The following MAML3 variants were observed in gnomAD, a reference collection of about 807,000 sequenced individuals.
MAML3 encodes the protein mastermind-like protein 3.
MAML3 carries 27 observed loss-of-function variants against 101.9 expected under a neutral mutation model. The ratio of observed to expected loss-of-function variants is 0.27; its 90% CI spans 0.20 to 0.37. MAML3 has a LOEUF of 0.37. MAML3 is among the 10% of genes least tolerant of loss of function. The probability of loss-of-function intolerance (pLI) is 1.00; values close to 1 mark genes in which losing one functional copy is unlikely to be tolerated. For missense variants in MAML3, 1,316 were observed against 1,444.9 expected, an observed-to-expected ratio of 0.91 and a Z score of 1.45; for synonymous variants, 501 against 555.9, an observed-to-expected ratio of 0.90 and a Z score of 1.39.
intron 2 of MAML3, among the ~76,000 whole-genome samples, chr4:139,875,969 T>C (rs1402970140): frequency 1.3e-5 from 2 of 150,962 alleles, no homozygotes; most frequent in African/African-American, 4.9e-5. Flanking sequence ...GCCTATTACT[T>C]TTCTGATCAC....
At chr4:140,082,758 T>TA (rs397881450) in intron 1 of MAML3, among the ~76,000 whole-genome samples, 2 of 151,478 alleles carry the variant, frequency 1.3e-5, no homozygotes, top group Non-Finnish European at 2.9e-5. Context: ...TTTTTTTTTT[T>TA]AAATAAACTG....
intron 1 of MAML3, among the ~76,000 whole-genome samples, chr4:140,078,771 C>A (rs1337343093): frequency 1.3e-5 from 2 of 152,138 alleles, no homozygotes; most frequent in Admixed American, 1.3e-4. Flanking sequence ...AAAGGAACTT[C>A]TCCGTGCCGG....
intron 2 of MAML3, among the ~76,000 whole-genome samples, chr4:139,822,527 C>A (rs1013711410): frequency 2.0e-5 from 3 of 152,198 alleles, no homozygotes; most frequent in Non-Finnish European, 4.4e-5. Context: ...GACATACCAG[C>A]AGGGCTTTTA....
chr4:140,041,604 G>A (rs941527803), intron 1 of MAML3, among the ~76,000 whole-genome samples: 3 of 152,104 alleles, frequency 2.0e-5, no homozygotes, highest in Non-Finnish European at 2.9e-5. Flanking sequence ...CTGGGCAACC[G>A]AGTGAGACAC....
At chr4:139,847,174 AT>A (rs1731465673) in intron 2 of MAML3, among the ~76,000 whole-genome samples, 1 of 151,986 alleles carries the variant, frequency 6.6e-6, no homozygotes, top group South Asian at 2.1e-4. Flanking sequence ...TTCCTCCATT[AT>A]TCACATTGTG....
intron 2 of MAML3, among the ~76,000 whole-genome samples, chr4:139,853,936 C>T (rs2111158396): frequency 6.6e-6 from 1 of 152,178 alleles, no homozygotes; most frequent in Non-Finnish European, 1.5e-5. Flanking sequence ...ATTCTCTTGC[C>T]TCAGCCTCCT....
rs1553959322 is a variant in MAML3, at chr4:139,832,090, G to GC, written c.2079+57266dup. On this transcript the variant is annotated intron_variant, in intron 2 of 4. Coordinates refer to ENST00000509479, the MANE Select transcript of MAML3 (RefSeq NM_018717.5). ...TTACAGGCGTGAGCCATCATGCCCA[G>GC]CCCCTTTTTTTTTTTTTTTTTTTTT... 7.7e-5 allele frequency among the ~76,000 whole-genome samples: 7 copies of GC among 90,644 alleles called. No individual in the cohort carries two copies. In the East Asian group the frequency reaches 1.3e-3, roughly 16 times the overall value. The allele number at this position is 90,644 out of a possible 152,430, so 59.5% of individuals were successfully genotyped here. A position where few individuals can be genotyped will look rare whatever the true frequency, so the allele number is the denominator to read the frequency against.
chr4:139,776,176 T>A (rs959246279), intron 2 of MAML3, among the ~76,000 whole-genome samples: 1 of 152,266 alleles, frequency 6.6e-6, no homozygotes, highest in Non-Finnish European at 1.5e-5. Context: ...TTCTTTGATG[T>A]CAATTGCTGT....
intron 1 of MAML3, among the ~76,000 whole-genome samples, chr4:140,074,214 A>AG (rs1727724780): frequency 7.2e-6 from 1 of 138,952 alleles, no homozygotes; most frequent in Admixed American, 7.3e-5. Flanking sequence ...AGAAAGAAAG[A>AG]AAGAAAGAAA....
chr4:139,752,504 C>T (rs1439304642), intron 2 of MAML3, among the ~76,000 whole-genome samples: 1 of 152,138 alleles, frequency 6.6e-6, no homozygotes, highest in African/African-American at 2.4e-5. Context: ...CCACTCCCCA[C>T]CGTCTTCTTT....
intron 1 of MAML3, among the ~76,000 whole-genome samples, chr4:139,915,343 C>T (rs1356999509): frequency 3.3e-5 from 5 of 152,082 alleles, no homozygotes; most frequent in Admixed American, 3.3e-4. Flanking sequence ...AGTTAATTTC[C>T]TTCAGTTAAT....
intron 1 of MAML3, among the ~76,000 whole-genome samples, chr4:139,993,827 T>C (rs1034884536): frequency 6.6e-6 from 1 of 151,346 alleles, no homozygotes; most frequent in Admixed American, 6.6e-5. Context: ...AAACTCTGTC[T>C]CAAAAAAAAA....
At chr4:139,987,820 G>GACC (rs1734577476) in intron 1 of MAML3, among the ~76,000 whole-genome samples, 1 of 151,880 alleles carries the variant, frequency 6.6e-6, no homozygotes, top group African/African-American at 2.4e-5. Flanking sequence ...AGGAGTTCGA[G>GACC]ACCAGCCTAG....
chr4:140,024,733 G>A (rs1183053530), intron 1 of MAML3, among the ~76,000 whole-genome samples: 1 of 152,138 alleles, frequency 6.6e-6, no homozygotes, highest in Non-Finnish European at 1.5e-5. Context: ...CTAAAGAAAA[G>A]GGAGTATCTA....
chr4:139,777,413 T>G (rs1730113434), intron 2 of MAML3, among the ~76,000 whole-genome samples: 1 of 152,234 alleles, frequency 6.6e-6, no homozygotes, highest in Non-Finnish European at 1.5e-5. Flanking sequence ...TGATCAGTCT[T>G]CAGTCTCCAC....
intron 1 of MAML3, among the ~76,000 whole-genome samples, chr4:139,937,044 C>T (rs1418102852): frequency 6.6e-6 from 1 of 152,166 alleles, no homozygotes; most frequent in Non-Finnish European, 1.5e-5. Context: ...AAAACATCTG[C>T]TAATTTTTAC....
chr4:140,121,563 C>G (rs1181615714), intron 1 of MAML3, among the ~76,000 whole-genome samples: 1 of 152,186 alleles, frequency 6.6e-6, no homozygotes, highest in African/African-American at 2.4e-5. Flanking sequence ...ACTGATTTAG[C>G]CTACGCTGAT....
intron 1 of MAML3, among the ~76,000 whole-genome samples, chr4:140,031,854 C>T (rs1238325338): frequency 6.6e-6 from 1 of 152,142 alleles, no homozygotes; most frequent in Non-Finnish European, 1.5e-5. Context: ...AGAGTGATCT[C>T]TCTGTACTCT....
At chr4:140,020,721 A>G (rs1180282486) in intron 1 of MAML3, among the ~76,000 whole-genome samples, 1 of 152,168 alleles carries the variant, frequency 6.6e-6, no homozygotes, top group Admixed American at 6.6e-5. Context: ...GAGTCTTATT[A>G]AAACTCCTAC....
Sources: gnomAD v4.1 joint callset for allele counts (sites outside exome capture counted in the v4.1 genomes callset) on GRCh38, gnomAD v4.1.1 for gene constraint, MANE v1.5 for transcripts, NCBI Gene and HGNC (gene_info 2026-07-23, HGNC 2026-07-21) for gene names.